NRG4: variants seen among roughly 807,000 people sequenced by gnomAD.
NRG4 encodes the protein pro-neuregulin-4, membrane-bound isoform.
Under a neutral mutation model 15.0 loss-of-function variants are expected in NRG4, and 10 were observed. The ratio of observed to expected loss-of-function variants is 0.67; its 90% CI spans 0.41 to 1.13. The LOEUF (loss-of-function observed/expected upper bound fraction) is 1.13. Ranked by LOEUF, NRG4 falls within the 50% of genes most tolerant of loss-of-function variation. NRG4 has a pLI of 0.00. For missense variants in NRG4, 139 were observed against 140.2 expected (o/e 0.99, Z 0.04); for synonymous variants, 41 against 50.1 (o/e 0.82, Z 0.77).
intron 4 of NRG4, among the ~76,000 whole-genome samples, chr15:76,051,154 C>T (rs928964212): frequency 6.7e-6 from 1 of 148,332 alleles, no homozygotes; most frequent in Non-Finnish European, 1.5e-5. Flanking sequence ...TACAGGCGCC[C>T]GCCACTACGC....
At chr15:75,984,053 C>T (rs753201612) in intron 3 of NRG4, among the ~76,000 whole-genome samples, 5 of 152,004 alleles carry the variant, frequency 3.3e-5, no homozygotes, top group Admixed American at 6.6e-5. Context: ...AGGGGAGAGA[C>T]GAACAGGCAG....
intron 4 of NRG4, among the ~76,000 whole-genome samples, chr15:76,045,607 T>A (rs1348684309): frequency 2.0e-5 from 3 of 150,986 alleles, no homozygotes; most frequent in Admixed American, 1.3e-4. Context: ...AAAAAAAGAA[T>A]GAGATCCTAT....
intron 3 of NRG4, among the ~76,000 whole-genome samples, chr15:76,052,722 T>C (rs1171993991): frequency 6.6e-6 from 1 of 151,112 alleles, no homozygotes; most frequent in Non-Finnish European, 1.5e-5. Context: ...GCTTTTACTT[T>C]ATATGGCACT....
At chr15:75,984,692 C>T (rs927970100) in intron 3 of NRG4, among the ~76,000 whole-genome samples, 2 of 151,960 alleles carry the variant, frequency 1.3e-5, no homozygotes, top group Non-Finnish European at 2.9e-5. Flanking sequence ...ATGTAGATGA[C>T]GAGTTGATGG....
At chr15:76,011,136 G>T in intron 2 of NRG4, 85 bp downstream of exon 2, 1 of 1,103,330 alleles carries the variant, frequency 9.1e-7, no homozygotes, top group South Asian at 3.2e-5. Flanking sequence ...GAATAATACA[G>T]CCTTGTGTTA....
At chr15:75,968,606 A>C (rs1307364752) in intron 3 of NRG4, among the ~76,000 whole-genome samples, 1 of 149,026 alleles carries the variant, frequency 6.7e-6, no homozygotes, top group Non-Finnish European at 1.5e-5. Flanking sequence ...AAAAAAAAAA[A>C]GTCTAGTGCT....
intron 3 of NRG4, among the ~76,000 whole-genome samples, chr15:75,974,520 C>T (rs990353930): frequency 6.6e-6 from 1 of 152,182 alleles, no homozygotes; most frequent in Non-Finnish European, 1.5e-5. Flanking sequence ...CCTCTAAACA[C>T]TGCTTTTGCT....
chr15:75,978,363 T>C (rs1341379951), intron 3 of NRG4, among the ~76,000 whole-genome samples: 2 of 152,198 alleles, frequency 1.3e-5, no homozygotes, highest in Non-Finnish European at 2.9e-5. Flanking sequence ...TTCATGTTGC[T>C]GCACATGACG....
At chr15:75,966,969 G>C (rs2032823140) in intron 3 of NRG4, among the ~76,000 whole-genome samples, 1 of 151,978 alleles carries the variant, frequency 6.6e-6, no homozygotes, top group Non-Finnish European at 1.5e-5. Context: ...ACAAAAATTA[G>C]CCAGGCGTGG....
chr15:76,054,488 C>T (rs1345234797), intron 2 of NRG4, among the ~76,000 whole-genome samples: 1 of 152,054 alleles, frequency 6.6e-6, no homozygotes, highest in African/African-American at 2.4e-5. Context: ...GATCTTGGCT[C>T]ACTGCAACCT....
rs118019474 is a variant in NRG4 at position 76,001,661 on chromosome 15, C to T, written c.104+7539G>A. On this transcript the variant is annotated intron_variant, in intron 3 of 5. Coordinates refer to ENST00000394907, the MANE Select transcript of NRG4 (RefSeq NM_138573.4). ...CTACTAAGAATGGGAGGTTAAAATA[C>T]GCATTTGTATTTCCTTGAATTTGCA... Among the ~76,000 whole-genome samples, 246 of 152,216 alleles carry T rather than the reference C, an allele frequency of 1.6e-3. 3 individuals are homozygous for T. The East Asian group carries it at 0.037, about 23-fold the overall frequency.
chr15:75,954,319 G>A (rs2032096708), intron 5 of NRG4, among the ~76,000 whole-genome samples: 1 of 149,202 alleles, frequency 6.7e-6, no homozygotes, highest in Admixed American at 6.6e-5. Flanking sequence ...GTTTGGTTTG[G>A]GTCCTTTAAA....
intron 3 of NRG4, chr15:76,005,679 G>GAAAAAAAAAAAA (rs776504828): frequency 5.9e-5 from 9 of 152,148 alleles, no homozygotes; most frequent in East Asian, 1.7e-4. Context: ...CTCTGTCTCA[G>GAAAAAAAAAAAA]AAAAAAAAAA....
At chr15:76,014,846 T>C (rs1265552784), upstream of NRG4, among the ~76,000 whole-genome samples, 3 of 152,228 alleles carry the variant, frequency 2.0e-5, no homozygotes, top group African/African-American at 7.2e-5. Context: ...TGGTTCCACA[T>C]AAAGTTTAAA....
chr15:76,054,561 C>T (rs2036106627), intron 2 of NRG4, among the ~76,000 whole-genome samples: 1 of 152,124 alleles, frequency 6.6e-6, no homozygotes, highest in Admixed American at 6.5e-5. Flanking sequence ...ATTACAGGCG[C>T]CCACCACCAC....
At position 75,943,705 on chromosome 15, in the gene NRG4, T is replaced by TA. The variant is rs2031231948; in HGVS notation, c.332-52dup. 6 of 1,192,198 alleles carry TA rather than the reference T, an allele frequency of 5.0e-6. No homozygotes were observed. The South Asian group carries it at 6.2e-5, about 12-fold the overall frequency. The allele number at this position is 1,192,198 out of a possible 1,614,324, so 73.9% of individuals were successfully genotyped here. A position where few individuals can be genotyped will look rare whatever the true frequency, so the allele number is the denominator to read the frequency against. ...ATGCTTTCTCCATTGCAATGTTTCT[T>TA]ACTACGCACACCTATCTACATGTCT... On this transcript the variant is annotated intron_variant, in intron 5 of 5. Transcript: ENST00000394907.
At chr15:75,954,957 C>T (rs1198730444) in intron 5 of NRG4, among the ~76,000 whole-genome samples, 3 of 151,984 alleles carry the variant, frequency 2.0e-5, no homozygotes, top group Non-Finnish European at 4.4e-5. Flanking sequence ...GGCTAGTATT[C>T]CCCACTATCA....
intron 5 of NRG4, among the ~76,000 whole-genome samples, chr15:75,954,651 C>T (rs1271612113): frequency 6.6e-6 from 1 of 151,826 alleles, no homozygotes; most frequent in Non-Finnish European, 1.5e-5. Context: ...TCTTGAACTC[C>T]TGACCTCAAG....
chr15:75,990,117 T>C (rs976499893), intron 3 of NRG4, among the ~76,000 whole-genome samples: 4 of 152,184 alleles, frequency 2.6e-5, no homozygotes, highest in African/African-American at 9.7e-5. Flanking sequence ...CTGGGGTTGT[T>C]CACCTTCGAG....
Sources: allele counts gnomAD v4.1 joint callset (sites outside exome capture counted in the v4.1 genomes callset), GRCh38; gene constraint gnomAD v4.1.1; transcripts MANE v1.5; gene names NCBI Gene and HGNC (gene_info 2026-07-23, HGNC 2026-07-21).